PRKCA: variants seen among roughly 807,000 people sequenced by gnomAD.
The protein encoded by PRKCA is protein kinase C alpha type.
In PRKCA, 27 loss-of-function variants were observed where a neutral mutation model predicts 87.0. That is an observed-to-expected ratio of 0.31 (90% CI 0.23 to 0.43). The LOEUF (loss-of-function observed/expected upper bound fraction) is 0.43. Among genes scored for constraint, PRKCA ranks in the 20% least tolerant of loss-of-function variants. The pLI is 1.00. For missense variants in PRKCA, 518 were observed against 852.3 expected (o/e 0.61, Z 4.88); for synonymous variants, 329 against 311.1 (o/e 1.06, Z -0.61).
At chr17:66,328,763 A>C (rs1250338115) in intron 2 of PRKCA, among the ~76,000 whole-genome samples, 1 of 152,164 alleles carries the variant, frequency 6.6e-6, no homozygotes, top group African/African-American at 2.4e-5. Context: ...GTGCCACTGC[A>C]CTCTAGCCTG....
At chr17:66,650,290 C>T (rs976717340) in intron 5 of PRKCA, among the ~76,000 whole-genome samples, 2 of 151,988 alleles carry the variant, frequency 1.3e-5, no homozygotes, top group Non-Finnish European at 1.5e-5. Context: ...AAGCCCCGAG[C>T]TTTGGTGGTG....
intron 5 of PRKCA, among the ~76,000 whole-genome samples, chr17:66,665,667 G>A (rs28611407): frequency 0.065 from 9,922 of 152,192 alleles, 359 homozygotes; most frequent in Admixed American, 0.082. Flanking sequence ...AAGAACAAGC[G>A]CAGAGCCTGC....
chr17:66,453,537 C>T (rs933995452), intron 2 of PRKCA, among the ~76,000 whole-genome samples: 19 of 152,006 alleles, frequency 1.2e-4, no homozygotes, highest in South Asian at 2.1e-4. Flanking sequence ...AGGCTGGTCT[C>T]GAACTCCTGA....
At chr17:66,422,418 C>G (rs949723056) in intron 2 of PRKCA, among the ~76,000 whole-genome samples, 3 of 152,130 alleles carry the variant, frequency 2.0e-5, no homozygotes, top group Non-Finnish European at 4.4e-5. Flanking sequence ...ATCCCTAGCA[C>G]CTAGAGCATA....
chr17:66,642,657 C>T (rs1971332460), intron 4 of PRKCA, among the ~76,000 whole-genome samples: 1 of 152,132 alleles, frequency 6.6e-6, no homozygotes, highest in South Asian at 2.1e-4. Flanking sequence ...GAAAAAGAAA[C>T]ATAAACGAGC....
chr17:66,533,127 G>T (rs1476095106), intron 3 of PRKCA, among the ~76,000 whole-genome samples: 1 of 152,122 alleles, frequency 6.6e-6, no homozygotes, highest in Non-Finnish European at 1.5e-5. Flanking sequence ...ATACCTTTTT[G>T]ATTCCTACAC....
chr17:66,365,653 A>G (rs981967699), intron 2 of PRKCA, among the ~76,000 whole-genome samples: 2 of 152,206 alleles, frequency 1.3e-5, no homozygotes, highest in African/African-American at 4.8e-5. Flanking sequence ...AACGCTCAAT[A>G]AATATTTCTT....
At chr17:66,594,879 A>T (rs1969925739) in intron 3 of PRKCA, among the ~76,000 whole-genome samples, 1 of 152,164 alleles carries the variant, frequency 6.6e-6, no homozygotes, top group Non-Finnish European at 1.5e-5. Flanking sequence ...TCACTGAGGG[A>T]ATTAATTAAT....
At chr17:66,428,548 G>A (rs1029913384) in intron 2 of PRKCA, among the ~76,000 whole-genome samples, 4 of 150,066 alleles carry the variant, frequency 2.7e-5, no homozygotes, top group African/African-American at 9.8e-5. Flanking sequence ...CTGTCACCCA[G>A]GCTAGAGTGC....
intron 2 of PRKCA, among the ~76,000 whole-genome samples, chr17:66,410,561 A>G (rs1911724461): frequency 6.6e-6 from 1 of 152,128 alleles, no homozygotes. Flanking sequence ...TGACATTGTT[A>G]GGTAGTTGAA....
intron 5 of PRKCA, among the ~76,000 whole-genome samples, chr17:66,682,479 GC>G (rs1179634843): frequency 6.6e-6 from 1 of 152,276 alleles, no homozygotes; most frequent in Non-Finnish European, 1.5e-5. Context: ...CTGCTAATGA[GC>G]TGCAATAGAA....
chr17:66,428,478 G>GA (rs1197863238), intron 2 of PRKCA, among the ~76,000 whole-genome samples: 1 of 150,356 alleles, frequency 6.7e-6, no homozygotes, highest in Non-Finnish European at 1.5e-5. Flanking sequence ...AGATAGTCCA[G>GA]AAAAGTTAAG....
rs575533847 is a variant in PRKCA at position 66,454,538 on chromosome 17, A to G, written c.206-41663A>G. Among the ~76,000 whole-genome samples the G allele has an allele frequency of 3.3e-5, 5 of 152,314 alleles. No individual in the cohort carries two copies. In the East Asian group the frequency reaches 7.7e-4, roughly 24 times the overall value. ...CCCGAAACTGGGCAATTTACAAAAGAAAGAGGTTTAATGGACTCACAGTTC... is the reference window on the plus strand; with the variant it reads ...CCCGAAACTGGGCAATTTACAAAAGGAAGAGGTTTAATGGACTCACAGTTC... On this transcript the variant is annotated intron_variant, in intron 2 of 16. Transcript: ENST00000413366.
chr17:66,677,616 G>A (rs1005127238), intron 5 of PRKCA, among the ~76,000 whole-genome samples: 1 of 152,208 alleles, frequency 6.6e-6, no homozygotes, highest in Non-Finnish European at 1.5e-5. Context: ...AGAGGTTAAT[G>A]CCCAGGCCCC....
At chr17:66,593,149 T>C (rs1969864235) in intron 3 of PRKCA, among the ~76,000 whole-genome samples, 1 of 152,178 alleles carries the variant, frequency 6.6e-6, no homozygotes, top group African/African-American at 2.4e-5. Context: ...GATCTTGAGG[T>C]TGCGTCAGGG....
intron 2 of PRKCA, among the ~76,000 whole-genome samples, chr17:66,435,581 G>C (rs1229620342): frequency 6.6e-6 from 1 of 152,212 alleles, no homozygotes; most frequent in Non-Finnish European, 1.5e-5. Context: ...CTCTGGGAGG[G>C]AGGAGGGAGA....
chr17:66,426,617 A>G (rs1912822610), intron 2 of PRKCA, among the ~76,000 whole-genome samples: 2 of 152,176 alleles, frequency 1.3e-5, no homozygotes, highest in African/African-American at 4.8e-5. Flanking sequence ...CTGTGCTGCA[A>G]GAACCCCCGT....
At chr17:66,588,808 T>G (rs1969703663) in intron 3 of PRKCA, among the ~76,000 whole-genome samples, 1 of 151,948 alleles carries the variant, frequency 6.6e-6, no homozygotes, top group Non-Finnish European at 1.5e-5. Context: ...GCTCGGCTGA[T>G]TTTTTGCATT....
rs755435878 is a variant in PRKCA at position 66,642,134 on chromosome 17, A to AT, written c.400+680dup. ...ACTATGAAGACTCTTTGCTTTGATC[A>AT]TTTTTTTTTTTTGGAGACGGAGTCT... is the stretch of plus-strand genomic sequence containing the variant. On this transcript the variant is annotated intron_variant, in intron 4 of 16. Transcript: ENST00000413366. 9.6e-3 allele frequency among the ~76,000 whole-genome samples: 1,397 copies of AT among 144,826 alleles called. 22 individuals carry two copies. Among genetic ancestry groups the AT allele is most frequent in the African/African-American group, 0.027 (1,060 of 39,710 alleles).
Sources: allele counts gnomAD v4.1 joint callset (sites outside exome capture counted in the v4.1 genomes callset), GRCh38; gene constraint gnomAD v4.1.1; transcripts MANE v1.5; gene names NCBI Gene and HGNC (gene_info 2026-07-23, HGNC 2026-07-21).